Variants in USP9Y observed in about 807,000 individuals in gnomAD.
USP9Y encodes the protein ubiquitin specific peptidase 9 Y-linked, also known as ubiquitin carboxyl-terminal hydrolase 9Y.
A neutral mutation model predicts 53.1 loss-of-function variants in USP9Y; 41 were observed. The observed-to-expected ratio is 0.77, with a 90% CI of 0.60 to 1.00. The LOEUF (loss-of-function observed/expected upper bound fraction) is 1.00. USP9Y is among the 50% of genes least tolerant of loss of function. USP9Y has a pLI of 0.00. For synonymous variants in USP9Y, 220 were observed against 173.7 expected, an observed-to-expected ratio of 1.27 and a Z score of -2.09; for missense variants, 567 against 535.8, an observed-to-expected ratio of 1.06 and a Z score of -0.58.
intron 17 of USP9Y, among the ~76,000 whole-genome samples, chrY:12,774,589 T>G: frequency 3.0e-5 from 1 of 33,242 alleles, no homozygotes; most frequent in African/African-American, 1.2e-4. Flanking sequence ...GAAGTTTATA[T>G]GTATTTGATG....
At chrY:12,706,683 G>A in intron 1 of USP9Y, among the ~76,000 whole-genome samples, 2 of 32,997 alleles carry the variant, frequency 6.1e-5, no homozygotes, top group African/African-American at 2.4e-4. Flanking sequence ...TTTTTAGTTT[G>A]TTTGTTTTAA....
chrY:12,786,182 C>G (rs1388340326), intron 22 of USP9Y, 21 bp from the exon 23 acceptor site: 1 of 395,832 alleles, frequency 2.5e-6, no homozygotes, highest in African/African-American at 6.2e-5. Context: ...TTATTTTAGT[C>G]TGTGTCTTTT....
In USP9Y at chrY:12,833,723, A is replaced by G; in HGVS notation, c.5057A>G (p.His1686Arg). The change falls in exon 34 of 46, where the codon CAT becomes CGT. Residue 1686 changes from histidine to arginine, a missense_variant. His to Arg is a conservative substitution (Grantham distance 29). Transcript: ENST00000338981. ...WGEPVNLREQ[H>R]DALEFFNSLV... ...GAACCTGTTAATCTCCGTGAACAACATGATGCCTTAGAGTTTTTTAATTCT... is the reference window on the plus strand; with the variant it reads ...GAACCTGTTAATCTCCGTGAACAACGTGATGCCTTAGAGTTTTTTAATTCT... The G allele has an allele frequency of 2.5e-6, 1 of 398,294 alleles. No homozygotes were observed. Among genetic ancestry groups the G allele is most frequent in the East Asian group, 9.2e-5 (1 of 10,834 alleles).
At chrY:12,712,547 T>A in intron 3 of USP9Y, among the ~76,000 whole-genome samples, 3 of 33,426 alleles carry the variant, frequency 9.0e-5, no homozygotes, top group Non-Finnish European at 2.2e-4. Context: ...CTAATCTACA[T>A]CTTTATATTT....
intron 15 of USP9Y, among the ~76,000 whole-genome samples, chrY:12,762,679 A>G (rs2053476583): frequency 3.0e-5 from 1 of 33,746 alleles, no homozygotes; most frequent in Non-Finnish European, 7.4e-5. Flanking sequence ...AGATTTACCA[A>G]ATTTGTAAAA....
chrY:12,799,595 G>T (rs2053516694), intron 27 of USP9Y, among the ~76,000 whole-genome samples: 1 of 33,399 alleles, frequency 3.0e-5, no homozygotes, highest in Admixed American at 2.7e-4. Context: ...TGCTAGTGTT[G>T]ACTGGAAAGA....
intron 31 of USP9Y, 34 bp from the exon 32 acceptor site, chrY:12,816,090 C>A (rs1418773397): frequency 5.3e-6 from 2 of 379,995 alleles, no homozygotes; most frequent in Non-Finnish European, 7.5e-6. Flanking sequence ...TCACTGTTTT[C>A]ATAGTATAAG....
In USP9Y at chrY:12,811,814, G is replaced by A. The variant is rs779818866; in HGVS notation, c.4386+33G>A. On this transcript the variant is annotated intron_variant, in intron 30 of 45. Transcript: ENST00000338981. Reference sequence around the variant, plus strand: ...CTTTTTTTTTTCTTTTTTTGAGATGGAGTCTTGCTCTGTGGCCCAGACTGG... The same window carrying A: ...CTTTTTTTTTTCTTTTTTTGAGATGAAGTCTTGCTCTGTGGCCCAGACTGG... The A allele has an allele frequency of 8.4e-6, 3 of 359,098 alleles. No homozygotes were observed. The South Asian group carries it at 9.5e-5, about 11-fold the overall frequency. 89.6% of individuals were successfully genotyped at this position (359,098 alleles called of 400,897 possible). A position where few individuals can be genotyped will look rare whatever the true frequency, so the allele number is the denominator to read the frequency against.
chrY:12,812,693 G>T (rs2053532181), intron 30 of USP9Y, 137 bp from the exon 31 acceptor site: 4 of 149,020 alleles, frequency 2.7e-5, no homozygotes, highest in Non-Finnish European at 4.9e-5. Flanking sequence ...GGGTTTTTTT[G>T]TGGGGTTTTG....
intron 35 of USP9Y, among the ~76,000 whole-genome samples, chrY:12,838,638 G>T: frequency 6.2e-5 from 2 of 32,398 alleles, no homozygotes; most frequent in Non-Finnish European, 1.5e-4. Context: ...CTGCCAGCAC[G>T]CCAGGCTAAT....
chrY:12,830,393 AT>A (rs2053549952), intron 33 of USP9Y, among the ~76,000 whole-genome samples: 5 of 33,905 alleles, frequency 1.5e-4, no homozygotes, highest in African/African-American at 2.3e-4. Flanking sequence ...TTAAAAGAAT[AT>A]TATATCATGA....
chrY:12,855,037 TTTTTGTCTGAAATGATTAGATTTCAAAAG>T (rs2053574655), intron 42 of USP9Y, among the ~76,000 whole-genome samples: 1 of 33,387 alleles, frequency 3.0e-5, no homozygotes, highest in African/African-American at 1.2e-4. Flanking sequence ...TCCATGTTAT[TTTTTGTCTGAAATGATTAGATTTCAAAAG>T]TTGCCCTTTC....
In USP9Y at chrY:12,813,069, A is replaced by G. The variant is rs756575352; in HGVS notation, c.4609+17A>G. 2.7e-6 allele frequency: 1 copy of G among 368,930 alleles called. No homozygotes were observed. The highest frequency in any genetic ancestry group is 3.1e-5 in the South Asian group (1 of 32,605). 92.0% of individuals were successfully genotyped at this position (368,930 alleles called of 400,897 possible). A position where few individuals can be genotyped will look rare whatever the true frequency, so the allele number is the denominator to read the frequency against. ...CAATTACTAGTGAGTATTTTAAATT[A>G]TAAAGCTGTTTTGTTCATTAATAAT... is the stretch of plus-strand genomic sequence containing the variant. On this transcript the variant is annotated intron_variant, in intron 31 of 45. Transcript: ENST00000338981.
At chrY:12,810,107 T>C in intron 27 of USP9Y, 72 bp from the exon 28 acceptor site, 7 of 308,935 alleles carry the variant, frequency 2.3e-5, no homozygotes, top group Non-Finnish European at 3.4e-5. Context: ...TGTATATACC[T>C]CCTATTAAAG....
chrY:12,798,059 C>A (rs2053515312), intron 27 of USP9Y, among the ~76,000 whole-genome samples: 1 of 28,061 alleles, frequency 3.6e-5, no homozygotes, highest in Non-Finnish European at 8.5e-5. Flanking sequence ...CTTCCCTTCC[C>A]CTTTCCCTTC....
chrY:12,806,348 T>C, intron 27 of USP9Y, among the ~76,000 whole-genome samples: 1 of 33,735 alleles, frequency 3.0e-5, no homozygotes, highest in African/African-American at 1.2e-4. Flanking sequence ...TCCTAATCTA[T>C]GTTATTGTCT....
intron 5 of USP9Y, among the ~76,000 whole-genome samples, chrY:12,724,180 C>G (rs759226386): frequency 2.4e-4 from 8 of 33,855 alleles, no homozygotes; most frequent in African/African-American, 9.2e-4. Flanking sequence ...ATCGTGATTA[C>G]TGTAAGATAA....
chrY:12,845,644 A>G (rs2053565694), intron 39 of USP9Y, among the ~76,000 whole-genome samples: 1 of 33,453 alleles, frequency 3.0e-5, no homozygotes, highest in Admixed American at 2.7e-4. Flanking sequence ...AACAGTTTTT[A>G]TGGCTCATTT....
At chrY:12,765,419 T>C (rs2053479450) in intron 15 of USP9Y, among the ~76,000 whole-genome samples, 1 of 32,922 alleles carries the variant, frequency 3.0e-5, no homozygotes, top group South Asian at 6.9e-4. Flanking sequence ...CAAAAAATGT[T>C]TCTATACAAC....
Sources: gnomAD v4.1 joint callset for allele counts (sites outside exome capture counted in the v4.1 genomes callset) on GRCh38, gnomAD v4.1.1 for gene constraint, MANE v1.5 for transcripts, NCBI Gene and HGNC (gene_info 2026-07-23, HGNC 2026-07-21) for gene names.